CPQ: variants seen among roughly 807,000 people sequenced by gnomAD.
CPQ encodes carboxypeptidase Q.
CPQ carries 37 observed loss-of-function variants against 45.7 expected under a neutral mutation model. The ratio of observed to expected loss-of-function variants is 0.81; its 90% CI spans 0.62 to 1.07. The LOEUF is 1.07. Among genes scored for constraint, CPQ ranks in the 50% least tolerant of loss-of-function variants. CPQ has a pLI of 0.00. For synonymous variants in CPQ, 186 were observed against 205.8 expected (o/e 0.90, Z 0.82); for missense variants, 537 against 572.9 (o/e 0.94, Z 0.64).
At chr8:97,116,446 T>C (rs547295738) in intron 7 of CPQ, among the ~76,000 whole-genome samples, 12 of 152,236 alleles carry the variant, frequency 7.9e-5, no homozygotes, top group Non-Finnish European at 1.3e-4. Flanking sequence ...AGACACCAGC[T>C]ATAACTGAAA....
At chr8:96,895,020 C>T (rs1003100344) in intron 4 of CPQ, among the ~76,000 whole-genome samples, 16 of 152,202 alleles carry the variant, frequency 1.1e-4, no homozygotes, top group Non-Finnish European at 2.1e-4. Context: ...ATACCTCACT[C>T]ATTGACTGAC....
At chr8:96,893,608 A>C (rs1812405027) in intron 4 of CPQ, among the ~76,000 whole-genome samples, 2 of 152,230 alleles carry the variant, frequency 1.3e-5, no homozygotes, top group Admixed American at 1.3e-4. Context: ...GAGGAAGCTG[A>C]GATTCAGAGG....
intron 1 of CPQ, among the ~76,000 whole-genome samples, chr8:96,753,234 C>A (rs1444635790): frequency 1.3e-5 from 2 of 152,004 alleles, no homozygotes; most frequent in Admixed American, 6.6e-5. Flanking sequence ...GGCTCTATTT[C>A]AGGCCTGTTT....
At chr8:96,828,896 T>C (rs117908672) in intron 2 of CPQ, among the ~76,000 whole-genome samples, 4 of 152,248 alleles carry the variant, frequency 2.6e-5, no homozygotes, top group Non-Finnish European at 5.9e-5. Flanking sequence ...TTCATGCTGC[T>C]GCAAAAACAA....
At chr8:96,682,260 A>G (rs1414095941) in intron 1 of CPQ, among the ~76,000 whole-genome samples, 1 of 152,176 alleles carries the variant, frequency 6.6e-6, no homozygotes, top group African/African-American at 2.4e-5. Context: ...AGGTAATTGA[A>G]TCACGAGAGT....
At chr8:96,737,763 T>G (rs1406446836) in intron 1 of CPQ, among the ~76,000 whole-genome samples, 2 of 152,064 alleles carry the variant, frequency 1.3e-5, no homozygotes, top group Non-Finnish European at 2.9e-5. Context: ...TTTAGCACAT[T>G]AATTTTTCAC....
chr8:96,820,224 T>C lies in CPQ; in HGVS notation c.434-14749T>C, dbSNP rs140649392. On this transcript the variant is annotated intron_variant, in intron 2 of 7. Transcript: ENST00000220763. The stretch of plus-strand genomic sequence containing the variant: ...GCTGATTCCTTTGAGGCATTGTCCC[T>C]GTAAACTTTTCATAAAGCAGCAGTG... Among the ~76,000 whole-genome samples the C allele has an allele frequency of 3.9e-3, 601 of 152,188 alleles. 3 individuals carry two copies. Among genetic ancestry groups the C allele is most frequent in the African/African-American group, 0.014 (569 of 41,556 alleles).
chr8:97,011,925 C>T (rs766505039), intron 5 of CPQ, among the ~76,000 whole-genome samples: 1 of 152,156 alleles, frequency 6.6e-6, no homozygotes, highest in Non-Finnish European at 1.5e-5. Flanking sequence ...CTCACTTCTT[C>T]TCTTGGACCC....
At chr8:96,703,569 A>G (rs1359868085) in intron 1 of CPQ, among the ~76,000 whole-genome samples, 2 of 152,172 alleles carry the variant, frequency 1.3e-5, no homozygotes, top group African/African-American at 2.4e-5. Flanking sequence ...CATATAACCT[A>G]TGAGGCAAGC....
chr8:97,066,022 A>G lies in CPQ; in HGVS notation c.1067A>G (p.Asn356Ser), dbSNP rs1810629121. The change falls in exon 7 of 8, where the codon AAC (asparagine) becomes AGC (serine). Residue 356 changes from asparagine (N) to serine (S), a missense_variant. Transcript: ENST00000220763. Reference protein sequence around the residue: ...YYQLHKVNISNYSLVMESDAG... With the variant: ...YYQLHKVNISSYSLVMESDAG... ...TCTTGTGTTTAGGTAAATATTTCCA[A>G]CTACAGTCTGGTGATGGAGTCTGAC... 1 of 1,610,210 alleles carries G rather than the reference A, an allele frequency of 6.2e-7. No individual in the cohort carries two copies. The highest frequency in any genetic ancestry group is 8.5e-7 in the Non-Finnish European group (1 of 1,179,204).
intron 1 of CPQ, among the ~76,000 whole-genome samples, chr8:96,654,748 T>G (rs1001867017): frequency 6.6e-6 from 1 of 152,216 alleles, no homozygotes; most frequent in Non-Finnish European, 1.5e-5. Context: ...TAGTTCTTGT[T>G]TAAGCCAAAA....
chr8:96,702,627 G>T (rs770087448), intron 1 of CPQ, among the ~76,000 whole-genome samples: 1 of 152,094 alleles, frequency 6.6e-6, no homozygotes, highest in Non-Finnish European at 1.5e-5. Context: ...GTAGGCGATG[G>T]TACTATGTTT....
chr8:96,796,696 G>A (rs1173675278), intron 2 of CPQ, among the ~76,000 whole-genome samples: 1 of 152,160 alleles, frequency 6.6e-6, no homozygotes, highest in Non-Finnish European at 1.5e-5. Context: ...TTTTGAATAT[G>A]TACCAGCAAA....
In CPQ at chr8:97,014,834, A is replaced by G. The variant is rs535831206; in HGVS notation, c.962-14569A>G. Among the ~76,000 whole-genome samples, 7 of 152,268 alleles carry G rather than the reference A, an allele frequency of 4.6e-5. No homozygotes were observed. The East Asian group carries it at 1.3e-3, about 29-fold the overall frequency. On this transcript the variant is annotated intron_variant, in intron 5 of 7. Coordinates refer to ENST00000220763, the MANE Select transcript of CPQ (RefSeq NM_016134.4). ...AAGGAAAATCTTTGAAAATGTAGAT[A>G]ACATCTTCTCCACCATAATCATAAA... is the stretch of plus-strand genomic sequence containing the variant.
intron 5 of CPQ, among the ~76,000 whole-genome samples, chr8:96,998,227 G>T (rs188301509): frequency 1.8e-4 from 28 of 151,894 alleles, no homozygotes; most frequent in Admixed American, 1.4e-3. Context: ...AAAAACAGGA[G>T]TTTATGAAAT....
intron 1 of CPQ, among the ~76,000 whole-genome samples, chr8:96,753,085 G>A (rs1460113989): frequency 6.6e-6 from 1 of 152,052 alleles, no homozygotes; most frequent in Non-Finnish European, 1.5e-5. Context: ...TTTATATGAT[G>A]TGAAGTGAGA....
intron 1 of CPQ, among the ~76,000 whole-genome samples, chr8:96,726,377 C>A (rs1013190990): frequency 6.6e-5 from 10 of 152,052 alleles, no homozygotes; most frequent in African/African-American, 2.2e-4. Context: ...AAAGAAATAA[C>A]TGAAACTGGG....
chr8:97,066,322 C>T, intron 7 of CPQ, 112 bp downstream of exon 7: 4 of 942,646 alleles, frequency 4.2e-6, no homozygotes, highest in Middle Eastern at 3.2e-4. Flanking sequence ...TCCACGGAAA[C>T]CTTAAGCTTT....
intron 1 of CPQ, among the ~76,000 whole-genome samples, chr8:96,681,600 G>A (rs1809153378): frequency 6.6e-6 from 1 of 152,190 alleles, no homozygotes; most frequent in African/African-American, 2.4e-5. Context: ...AAAAAATGTG[G>A]GGTTGGAACC....
Sources: allele counts gnomAD v4.1 joint callset (sites outside exome capture counted in the v4.1 genomes callset), GRCh38; gene constraint gnomAD v4.1.1; transcripts MANE v1.5; gene names NCBI Gene and HGNC (gene_info 2026-07-23, HGNC 2026-07-21).